CDC42BPA: variants seen among roughly 807,000 people sequenced by gnomAD.
The protein encoded by CDC42BPA is serine/threonine-protein kinase MRCK alpha.
CDC42BPA carries 80 observed loss-of-function variants against 223.5 expected under a neutral mutation model. That is an observed-to-expected ratio of 0.36 (90% CI 0.30 to 0.43). The LOEUF is 0.43. Among genes scored for constraint, CDC42BPA ranks in the 20% least tolerant of loss-of-function variants. The pLI is 1.00. For synonymous variants in CDC42BPA, 694 were observed against 718.6 expected, an observed-to-expected ratio of 0.97 and a Z score of 0.55; for missense variants, 1,743 against 2,099.9, an observed-to-expected ratio of 0.83 and a Z score of 3.32.
chr1:227,080,346 T>C (rs1003053300), intron 17 of CDC42BPA, among the ~76,000 whole-genome samples: 3 of 152,190 alleles, frequency 2.0e-5, no homozygotes, highest in Non-Finnish European at 4.4e-5. Flanking sequence ...TAAATGAATA[T>C]GAAGGTTACT....
intron 1 of CDC42BPA, among the ~76,000 whole-genome samples, chr1:227,293,668 A>T (rs530210569): frequency 6.6e-6 from 1 of 152,234 alleles, no homozygotes; most frequent in South Asian, 2.1e-4. Context: ...TCTACTAAAA[A>T]TACAAAATCA....
intron 2 of CDC42BPA, among the ~76,000 whole-genome samples, chr1:227,247,938 T>G (rs1360124769): frequency 6.6e-6 from 1 of 152,002 alleles, no homozygotes; most frequent in Non-Finnish European, 1.5e-5. Flanking sequence ...ATTCTAGAGT[T>G]GAAAAACTCA....
In CDC42BPA at chr1:227,133,504, G is replaced by A. The variant is rs559554851; in HGVS notation, c.1391-4273C>T. ...GAGAACGGGCCATGATGACAATGGC[G>A]GTTTTGTGGAATAGAAAGGGGGGAA... On this transcript the variant is annotated intron_variant, in intron 10 of 36. Coordinates refer to ENST00000366766, the MANE Select transcript of CDC42BPA (RefSeq NM_001394014.1). Among the ~76,000 whole-genome samples the A allele has an allele frequency of 9.2e-5, 14 of 152,350 alleles. No individual in the cohort carries two copies. The East Asian group carries it at 1.7e-3, about 19-fold the overall frequency.
intron 24 of CDC42BPA, among the ~76,000 whole-genome samples, 158 bp downstream of exon 24, chr1:227,039,973 C>G (rs935374075): frequency 6.6e-6 from 1 of 152,104 alleles, no homozygotes; most frequent in African/African-American, 2.4e-5. Context: ...TCTAGTTTCT[C>G]GAACATTCAA....
At chr1:227,180,192 T>C (rs1241049825) in intron 5 of CDC42BPA, among the ~76,000 whole-genome samples, 1 of 152,068 alleles carries the variant, frequency 6.6e-6, no homozygotes, top group East Asian at 1.9e-4. Context: ...GGTGACAGAG[T>C]GAGATTCCGT....
intron 2 of CDC42BPA, among the ~76,000 whole-genome samples, chr1:227,225,751 TG>T (rs1263530901): frequency 1.3e-5 from 2 of 151,998 alleles, no homozygotes; most frequent in Non-Finnish European, 2.9e-5. Flanking sequence ...AAGAAGCAAT[TG>T]GTCATGACAA....
intron 3 of CDC42BPA, among the ~76,000 whole-genome samples, chr1:227,208,646 G>A (rs1027941174): frequency 2.0e-5 from 3 of 148,678 alleles, no homozygotes; most frequent in Non-Finnish European, 4.5e-5. Flanking sequence ...TCTCAGGTTT[G>A]TCAAAGATCA....
intron 12 of CDC42BPA, among the ~76,000 whole-genome samples, chr1:227,114,080 T>C (rs1168647853): frequency 1.3e-5 from 2 of 149,676 alleles, no homozygotes; most frequent in Non-Finnish European, 1.5e-5. Flanking sequence ...CATGCATCCA[T>C]CACCACAGGA....
chr1:227,179,269 A>T (rs1026443234), intron 5 of CDC42BPA, among the ~76,000 whole-genome samples: 2 of 152,180 alleles, frequency 1.3e-5, no homozygotes, highest in Non-Finnish European at 2.9e-5. Context: ...AATGGTTGCA[A>T]ATATCTGTGA....
chr1:227,013,945 TAA>T (rs1186110437), intron 34 of CDC42BPA, among the ~76,000 whole-genome samples: 11 of 152,152 alleles, frequency 7.2e-5, no homozygotes, highest in African/African-American at 2.2e-4. Context: ...TTATCAAATA[TAA>T]GTCATAAATA....
chr1:227,285,714 A>T (rs1270934753), intron 1 of CDC42BPA, among the ~76,000 whole-genome samples: 1 of 152,242 alleles, frequency 6.6e-6, no homozygotes, highest in Non-Finnish European at 1.5e-5. Context: ...AATAAAATCC[A>T]CAAAATCTCC....
chr1:227,157,686 A>G (rs1294868730), intron 6 of CDC42BPA, among the ~76,000 whole-genome samples: 1 of 151,850 alleles, frequency 6.6e-6, no homozygotes, highest in Non-Finnish European at 1.5e-5. Flanking sequence ...CTCTTCTTCT[A>G]TATGGATCCC....
chr1:227,302,075 C>G (rs1359426769), intron 1 of CDC42BPA, among the ~76,000 whole-genome samples: 2 of 152,164 alleles, frequency 1.3e-5, no homozygotes, highest in Admixed American at 6.5e-5. Flanking sequence ...TATGGTTCAC[C>G]TCTATGCTTG....
chr1:227,082,147 CCT>C (rs1680805846), intron 16 of CDC42BPA, among the ~76,000 whole-genome samples: 1 of 152,106 alleles, frequency 6.6e-6, no homozygotes, highest in African/African-American at 2.4e-5. Context: ...CCCACTTCAG[CCT>C]CCCTAGTAGC....
Position 227,034,741 on chromosome 1 carries a change from C to G in CDC42BPA, c.3390G>C (p.Val1130=). The G allele has an allele frequency of 6.2e-7, 1 of 1,613,824 alleles. No homozygotes were observed. The highest frequency in any genetic ancestry group is 8.5e-7 in the Non-Finnish European group (1 of 1,179,782). ...CGTACAGAAAGAGTTTGAAGTCACA[C>G]ACTATAGCCAGTGCTCTCTGCCACC... ...KKGWQRALAI[V]CDFKLFLYDI... Residue 1130 remains valine, a synonymous_variant, in exon 26 of 37, where the codon GTG becomes GTC. Transcript: ENST00000366766.
intron 5 of CDC42BPA, among the ~76,000 whole-genome samples, chr1:227,169,138 G>A (rs1272948182): frequency 6.6e-6 from 1 of 151,888 alleles, no homozygotes; most frequent in Non-Finnish European, 1.5e-5. Flanking sequence ...TTCTAGTTCT[G>A]TGCTGAGATT....
At chr1:227,075,387 A>C (rs1572647263) in intron 17 of CDC42BPA, among the ~76,000 whole-genome samples, 1 of 152,190 alleles carries the variant, frequency 6.6e-6, no homozygotes, top group East Asian at 1.9e-4. Flanking sequence ...TAAACTCCTG[A>C]GGAGTCAAAT....
intron 23 of CDC42BPA, among the ~76,000 whole-genome samples, chr1:227,044,599 C>T (rs917103279): frequency 6.6e-6 from 1 of 151,992 alleles, no homozygotes. Context: ...TCTATATGGG[C>T]GGGGCAGAGC....
At chr1:226,997,709 C>G (rs1262036872) in intron 35 of CDC42BPA, among the ~76,000 whole-genome samples, 1 of 152,106 alleles carries the variant, frequency 6.6e-6, no homozygotes, top group Non-Finnish European at 1.5e-5. Context: ...TCGTTATTTA[C>G]CCAGTAGTCA....
Sources: allele counts gnomAD v4.1 joint callset (sites outside exome capture counted in the v4.1 genomes callset), GRCh38; gene constraint gnomAD v4.1.1; transcripts MANE v1.5; gene names NCBI Gene and HGNC (gene_info 2026-07-23, HGNC 2026-07-21).